Variants in STX8 observed in about 807,000 individuals in gnomAD.
STX8 encodes the protein syntaxin-8.
A neutral mutation model predicts 37.5 loss-of-function variants in STX8; 23 were observed. The observed-to-expected ratio is 0.61, with a 90% confidence interval of 0.44 to 0.87. STX8 has a LOEUF of 0.87. Among genes scored for constraint, STX8 ranks in the 40% least tolerant of loss-of-function variants. The pLI is 0.00. For missense variants in STX8, 313 were observed against 284.7 expected (o/e 1.10, Z -0.71); for synonymous variants, 115 against 99.1 (o/e 1.16, Z -0.95).
chr17:9,563,423 A>T (rs2151917394), intron 2 of STX8, among the ~76,000 whole-genome samples: 1 of 152,186 alleles, frequency 6.6e-6, no homozygotes, highest in Admixed American at 6.5e-5. Context: ...ACCTCAGGTG[A>T]TCCACCCGCC....
At chr17:9,467,678 T>C (rs1905674167) in intron 6 of STX8, among the ~76,000 whole-genome samples, 1 of 152,172 alleles carries the variant, frequency 6.6e-6, no homozygotes. Flanking sequence ...GGGGAAACCC[T>C]TTCCCCTGAA....
chr17:9,362,057 G>A (rs1202529356), intron 7 of STX8, among the ~76,000 whole-genome samples: 4 of 152,290 alleles, frequency 2.6e-5, no homozygotes, highest in African/African-American at 9.6e-5. Context: ...TAGGCTGGAC[G>A]CAGTGGCTCA....
At chr17:9,392,829 A>C (rs1397939212) in intron 6 of STX8, among the ~76,000 whole-genome samples, 1 of 152,242 alleles carries the variant, frequency 6.6e-6, no homozygotes, top group Non-Finnish European at 1.5e-5. Context: ...GTTCCAATAA[A>C]AATGAATAGA....
intron 4 of STX8, among the ~76,000 whole-genome samples, chr17:9,506,332 A>G (rs770265447): frequency 2.7e-5 from 4 of 150,236 alleles, no homozygotes; most frequent in Admixed American, 1.3e-4. Flanking sequence ...CAACAGATTC[A>G]TGAAAAATCA....
intron 7 of STX8, among the ~76,000 whole-genome samples, chr17:9,375,324 C>T (rs1911545796): frequency 6.6e-6 from 1 of 152,098 alleles, no homozygotes; most frequent in African/African-American, 2.4e-5. Context: ...ACTTAAGAGT[C>T]CAGCTCAGAA....
At chr17:9,525,682 T>C (rs1179463663) in intron 4 of STX8, among the ~76,000 whole-genome samples, 1 of 152,162 alleles carries the variant, frequency 6.6e-6, no homozygotes, top group Admixed American at 6.6e-5. Flanking sequence ...AGATCATTTA[T>C]GGCTCATATC....
chr17:9,441,376 G>T (rs1163061531), intron 6 of STX8, among the ~76,000 whole-genome samples: 1 of 151,392 alleles, frequency 6.6e-6, no homozygotes, highest in Non-Finnish European at 1.5e-5. Context: ...TGTAGTCCCA[G>T]CTACTTGGGA....
intron 6 of STX8, among the ~76,000 whole-genome samples, chr17:9,393,540 T>C (rs190789870): frequency 2.0e-5 from 3 of 152,262 alleles, no homozygotes; most frequent in East Asian, 1.9e-4. Context: ...TTATATACCA[T>C]AGAGCAGGGT....
intron 6 of STX8, among the ~76,000 whole-genome samples, chr17:9,425,918 C>T (rs1850014572): frequency 6.6e-6 from 1 of 152,142 alleles, no homozygotes; most frequent in African/African-American, 2.4e-5. Flanking sequence ...CTCTCTCTTG[C>T]ACGCACGTAT....
chr17:9,435,639 C>A (rs138024793), intron 6 of STX8, among the ~76,000 whole-genome samples: 296 of 152,262 alleles, frequency 1.9e-3, no homozygotes, highest in Admixed American at 3.9e-3. Flanking sequence ...AGGAAACTTA[C>A]ATGGAGTAGA....
At chr17:9,321,081 C>T (rs1909560459) in intron 7 of STX8, among the ~76,000 whole-genome samples, 1 of 151,592 alleles carries the variant, frequency 6.6e-6, no homozygotes, top group Non-Finnish European at 1.5e-5. Context: ...ATCAGTGATA[C>T]AGGAAAAGGA....
intron 6 of STX8, among the ~76,000 whole-genome samples, chr17:9,450,195 C>T (rs1904990618): frequency 6.6e-6 from 1 of 151,734 alleles, no homozygotes; most frequent in Non-Finnish European, 1.5e-5. Flanking sequence ...TCTGCCTCAG[C>T]CTCCCTAGTA....
chr17:9,406,062 G>T (rs1912791532), intron 6 of STX8, among the ~76,000 whole-genome samples: 1 of 152,110 alleles, frequency 6.6e-6, no homozygotes, highest in Non-Finnish European at 1.5e-5. Flanking sequence ...GCACCTGCTG[G>T]CATAGCTGCA....
intron 4 of STX8, among the ~76,000 whole-genome samples, chr17:9,541,240 A>AG (rs1289281558): frequency 5.3e-5 from 8 of 151,472 alleles, no homozygotes; most frequent in African/African-American, 1.9e-4. Flanking sequence ...TTCACTAATA[A>AG]GACAATAGGC....
intron 7 of STX8, among the ~76,000 whole-genome samples, chr17:9,309,543 C>T (rs141948552): frequency 2.0e-5 from 3 of 152,258 alleles, no homozygotes; most frequent in African/African-American, 4.8e-5. Context: ...CTGGGAAATT[C>T]ATCCCCCTAA....
intron 6 of STX8, among the ~76,000 whole-genome samples, chr17:9,381,481 G>A (rs779628969): frequency 5.9e-5 from 9 of 152,194 alleles, no homozygotes; most frequent in African/African-American, 9.7e-5. Flanking sequence ...GCACAAAGGA[G>A]TTGGGTGCTC....
intron 7 of STX8, among the ~76,000 whole-genome samples, chr17:9,335,443 C>A (rs192093336): frequency 6.6e-6 from 1 of 152,276 alleles, no homozygotes; most frequent in African/African-American, 2.4e-5. Flanking sequence ...ATGATCTAAT[C>A]ACCTCTTAAA....
At chr17:9,457,783 CTCTT>C (rs1444475570) in intron 6 of STX8, among the ~76,000 whole-genome samples, 1 of 152,230 alleles carries the variant, frequency 6.6e-6, no homozygotes, top group Non-Finnish European at 1.5e-5. Flanking sequence ...TCTTTCTGGT[CTCTT>C]TCTTTCTAGG....
chr17:9,267,424 A>G (rs1907268505), intron 7 of STX8, among the ~76,000 whole-genome samples: 1 of 152,150 alleles, frequency 6.6e-6, no homozygotes, highest in African/African-American at 2.4e-5. Context: ...AGAAAGCGCT[A>G]TGACCCTTCC....
Sources: gnomAD v4.1 joint callset for allele counts (sites outside exome capture counted in the v4.1 genomes callset) on GRCh38, gnomAD v4.1.1 for gene constraint, MANE v1.5 for transcripts, NCBI Gene and HGNC (gene_info 2026-07-23, HGNC 2026-07-21) for gene names.